WDR27: variants seen among roughly 807,000 people sequenced by gnomAD.
WDR27 encodes WD repeat-containing protein 27.
Under a neutral mutation model 114.4 loss-of-function variants are expected in WDR27, and 100 were observed. The observed-to-expected ratio is 0.87, with a 90% CI of 0.74 to 1.03. The LOEUF (loss-of-function observed/expected upper bound fraction) is 1.03, where lower values mean the gene tolerates loss of function less well. Ranked by LOEUF, WDR27 falls within the 50% of genes least tolerant of loss-of-function variation. The pLI, the probability that WDR27 is intolerant of heterozygous loss-of-function variation, is 0.00. For missense variants in WDR27, 1,129 were observed against 1,092.9 expected, an observed-to-expected ratio of 1.03 and a Z score of -0.47; for synonymous variants, 449 against 423.1, an observed-to-expected ratio of 1.06 and a Z score of -0.75.
At chr6:169,567,020 A>G (rs561362092) in intron 25 of WDR27, among the ~76,000 whole-genome samples, 1 of 152,286 alleles carries the variant, frequency 6.6e-6, no homozygotes, top group Non-Finnish European at 1.5e-5. Flanking sequence ...AATGCCTGAG[A>G]GCCTCAGGCA....
At chr6:169,472,781 A>G (rs1004293760) in intron 25 of WDR27, among the ~76,000 whole-genome samples, 4 of 152,344 alleles carry the variant, frequency 2.6e-5, no homozygotes, top group Admixed American at 2.0e-4. Flanking sequence ...GCTAAAAAAC[A>G]TATCTGATTT....
Position 169,659,221 on chromosome 6 carries a change from G to GT in WDR27, c.1198-15dup. On this transcript the variant is annotated splice_polypyrimidine_tract_variant and intron_variant, in intron 11 of 25. Coordinates refer to ENST00000448612, the MANE Select transcript of WDR27 (RefSeq NM_182552.5). This position sits in a 1 kb window ranked among gnomAD's most constrained non-coding sequence, Gnocchi z 4.3. ...CAAGCACAGCACCTGCAGGGACGCG[G>GT]TTTCAACATCGTTAGCGACACCACC... is the stretch of plus-strand genomic sequence containing the variant. 1 of 1,583,162 alleles carries GT rather than the reference G, an allele frequency of 6.3e-7. No individual in the cohort carries two copies. Among genetic ancestry groups the GT allele is most frequent in the Non-Finnish European group, 8.6e-7 (1 of 1,166,600 alleles).
intron 25 of WDR27, among the ~76,000 whole-genome samples, chr6:169,485,358 T>TA (rs1788745010): frequency 6.6e-6 from 1 of 152,186 alleles, no homozygotes; most frequent in Non-Finnish European, 1.5e-5. Flanking sequence ...GCAAAGGACA[T>TA]GAACAGACAC....
At chr6:169,574,378 T>C (rs1004838031) in intron 24 of WDR27, among the ~76,000 whole-genome samples, 2 of 152,232 alleles carry the variant, frequency 1.3e-5, no homozygotes, top group African/African-American at 4.8e-5. Flanking sequence ...AAATTTACTC[T>C]GAGAGGCTCA....
chr6:169,562,705 A>T (rs1287696868), intron 25 of WDR27, among the ~76,000 whole-genome samples: 1 of 152,228 alleles, frequency 6.6e-6, no homozygotes, highest in Non-Finnish European at 1.5e-5. Flanking sequence ...CAGTGAGACC[A>T]GTGGGAGCTG....
the WDR27 span, among the ~76,000 whole-genome samples, chr6:169,443,720 T>C: frequency 6.6e-6 from 1 of 152,194 alleles, no homozygotes; most frequent in African/African-American, 2.4e-5. Context: ...ATGTCATCGC[T>C]CAGCCACCAA....
intron 7 of WDR27, 112 bp downstream of exon 7, chr6:169,665,374 G>GT (rs1562871694): frequency 4.1e-6 from 6 of 1,463,884 alleles, no homozygotes; most frequent in East Asian, 2.5e-5. Flanking sequence ...AGGTGGACAG[G>GT]TTTTTTCAAA....
intron 25 of WDR27, among the ~76,000 whole-genome samples, chr6:169,531,651 G>A (rs1795612207): frequency 1.0e-5 from 1 of 96,664 alleles, no homozygotes; most frequent in South Asian, 4.0e-4. Context: ...ACATTAAACA[G>A]TTTGTTTTTT....
intron 16 of WDR27, 133 bp from the exon 17 acceptor site, chr6:169,643,919 C>T (rs1437653947): frequency 1.5e-6 from 1 of 663,774 alleles, no homozygotes; most frequent in African/African-American, 1.8e-5. Flanking sequence ...GTAGAAAAGC[C>T]TAGTTCACAA....
At chr6:169,518,645 G>C (rs566472475) in intron 25 of WDR27, among the ~76,000 whole-genome samples, 1 of 152,358 alleles carries the variant, frequency 6.6e-6, no homozygotes, top group Non-Finnish European at 1.5e-5. Flanking sequence ...AGGAGGGGCT[G>C]CCTCTTAGAT....
chr6:169,658,370 A>G lies in WDR27; in HGVS notation c.1320-12T>C. The G allele has an allele frequency of 6.3e-7, 1 of 1,585,648 alleles. No homozygotes were observed. The highest frequency in any genetic ancestry group is 1.2e-5 in the South Asian group (1 of 86,500). On this transcript the variant is annotated splice_polypyrimidine_tract_variant and intron_variant, in intron 12 of 25. Coordinates refer to ENST00000448612, the MANE Select transcript of WDR27 (RefSeq NM_182552.5). ...GTAGGACACAGGAGCTGAAACAGAA[A>G]CAAGCCCCATGAAACTAGGAGCGCA...
intron 24 of WDR27, among the ~76,000 whole-genome samples, chr6:169,578,647 A>G (rs1802859777): frequency 6.6e-6 from 1 of 152,168 alleles, no homozygotes; most frequent in South Asian, 2.1e-4. Flanking sequence ...TGGATCACTC[A>G]TCTGAGACAC....
chr6:169,478,506 T>C (rs754152732), intron 25 of WDR27, among the ~76,000 whole-genome samples: 2 of 152,146 alleles, frequency 1.3e-5, no homozygotes, highest in Non-Finnish European at 2.9e-5. Context: ...TTATGAAGAA[T>C]TATAAGCCTA....
At chr6:169,555,585 A>G (rs898373290) in intron 25 of WDR27, among the ~76,000 whole-genome samples, 1 of 152,204 alleles carries the variant, frequency 6.6e-6, no homozygotes, top group Non-Finnish European at 1.5e-5. Flanking sequence ...GCCATATGAC[A>G]CATGAGGTCA....
chr6:169,652,397 C>G (rs1406254557), intron 13 of WDR27, among the ~76,000 whole-genome samples: 10 of 152,184 alleles, frequency 6.6e-5, no homozygotes, highest in Non-Finnish European at 1.2e-4. Context: ...TACAGGCACA[C>G]GCCACCACGC....
intron 22 of WDR27, among the ~76,000 whole-genome samples, chr6:169,607,444 G>A (rs948537743): frequency 6.7e-6 from 1 of 149,620 alleles, no homozygotes; most frequent in African/African-American, 2.5e-5. Context: ...ATATTATTCA[G>A]CCATGAAAAA....
intron 25 of WDR27, among the ~76,000 whole-genome samples, chr6:169,468,653 T>C (rs1785926657): frequency 6.6e-6 from 1 of 152,198 alleles, no homozygotes; most frequent in South Asian, 2.1e-4. Context: ...ATATCAGCTG[T>C]CCACCAAATA....
intron 21 of WDR27, among the ~76,000 whole-genome samples, chr6:169,617,722 C>A (rs138574698): frequency 2.0e-5 from 3 of 152,218 alleles, no homozygotes; most frequent in African/African-American, 7.2e-5. Context: ...ACTTGGCCAG[C>A]GCCATCTTGC....
chr6:169,560,047 G>T (rs1422123092), intron 25 of WDR27: 1 of 152,104 alleles, frequency 6.6e-6, no homozygotes, highest in Non-Finnish European at 1.5e-5. Flanking sequence ...TGTTTAAATT[G>T]ACCTCTGATA....
Sources: allele counts gnomAD v4.1 joint callset (sites outside exome capture counted in the v4.1 genomes callset), GRCh38; gene constraint gnomAD v4.1.1; non-coding constraint Gnocchi (gnomAD v3.1); transcripts MANE v1.5; gene names NCBI Gene and HGNC (gene_info 2026-07-23, HGNC 2026-07-21).